SNCAIP: variants seen among roughly 807,000 people sequenced by gnomAD.
SNCAIP encodes synphilin-1.
A neutral mutation model predicts 86.7 loss-of-function variants in SNCAIP; 43 were observed. The ratio of observed to expected loss-of-function variants is 0.50; its 90% CI spans 0.39 to 0.64. The LOEUF (loss-of-function observed/expected upper bound fraction) is 0.64, where lower values mean the gene tolerates loss of function less well. Among genes scored for constraint, SNCAIP ranks in the 30% least tolerant of loss-of-function variants. The pLI is 0.00. For synonymous variants in SNCAIP, 417 were observed against 427.2 expected (o/e 0.98, Z 0.29); for missense variants, 981 against 1,103.1 (o/e 0.89, Z 1.57).
chr5:122,375,838 C>T (rs1319208274), intron 1 of SNCAIP, among the ~76,000 whole-genome samples: 2 of 152,056 alleles, frequency 1.3e-5, no homozygotes, highest in Non-Finnish European at 2.9e-5. Flanking sequence ...GCAGCTTAAT[C>T]AAAAGGGCAC....
intron 1 of SNCAIP, among the ~76,000 whole-genome samples, chr5:122,335,940 G>A (rs1756354166): frequency 6.6e-6 from 1 of 152,166 alleles, no homozygotes; most frequent in Non-Finnish European, 1.5e-5. Flanking sequence ...TCCTGTAAAA[G>A]AACCTGGCGA....
intron 3 of SNCAIP, among the ~76,000 whole-genome samples, chr5:122,411,698 G>A (rs879906037): frequency 7.2e-5 from 11 of 152,050 alleles, no homozygotes; most frequent in Non-Finnish European, 1.2e-4. Flanking sequence ...GCATCTCACC[G>A]TATGATCCAG....
intron 3 of SNCAIP, among the ~76,000 whole-genome samples, chr5:122,412,843 C>G (rs1774430644): frequency 6.6e-6 from 1 of 152,220 alleles, no homozygotes; most frequent in African/African-American, 2.4e-5. Flanking sequence ...AACATCTCAT[C>G]AGGCGCTGAA....
intron 10 of SNCAIP, among the ~76,000 whole-genome samples, chr5:122,461,043 C>T (rs1281093459): frequency 2.0e-5 from 3 of 152,174 alleles, no homozygotes; most frequent in African/African-American, 4.8e-5. Context: ...TATCTTCCCA[C>T]CCAAGGAAGG....
chr5:122,440,726 C>T lies in SNCAIP; in HGVS notation c.1394C>T (p.Ser465Leu), dbSNP rs1780700626. 2 of 1,613,864 alleles carry T rather than the reference C, an allele frequency of 1.2e-6. No individual in the cohort carries two copies. The highest frequency in any genetic ancestry group is 1.7e-6 in the Non-Finnish European group (2 of 1,179,730). Residue 465 changes from serine (S) to leucine (L), a missense_variant, in exon 7 of 11, where the codon TCA becomes TTA. Transcript: ENST00000261368. ...QDGNSAVHVA[S>L]QHGYLGCIQT... ...GGCAACAGTGCCGTTCACGTAGCCT[C>T]ACAGCATGGCTACCTTGGATGCATA... is the stretch of plus-strand genomic sequence containing the variant.
At chr5:122,353,439 C>CAAA (rs60366701) in intron 1 of SNCAIP, among the ~76,000 whole-genome samples, 998 of 94,116 alleles carry the variant, frequency 0.011, 18 homozygotes, top group African/African-American at 0.033. Context: ...CATAATTAAG[C>CAAA]AAAAAAAAAA....
At chr5:122,410,373 C>T (rs950199923) in intron 3 of SNCAIP, among the ~76,000 whole-genome samples, 1 of 152,136 alleles carries the variant, frequency 6.6e-6, no homozygotes, top group African/African-American at 2.4e-5. Flanking sequence ...CGAGCTGCCC[C>T]CTCTGTGGAA....
intron 1 of SNCAIP, among the ~76,000 whole-genome samples, chr5:122,364,398 C>G (rs1762767096): frequency 1.3e-5 from 2 of 152,164 alleles, no homozygotes; most frequent in African/African-American, 4.8e-5. Context: ...TGCAAGAACC[C>G]TCTCTTGGGG....
At chr5:122,406,742 C>T (rs554363685) in intron 3 of SNCAIP, among the ~76,000 whole-genome samples, 54 of 152,280 alleles carry the variant, frequency 3.5e-4, no homozygotes, top group African/African-American at 1.1e-3. Context: ...CTGAGGCTGT[C>T]GCAGAAGCAG....
Position 122,333,035 on chromosome 5 carries a change from A to G in SNCAIP, c.-47+20751A>G, listed in dbSNP as rs533694147. Among the ~76,000 whole-genome samples, 3 of 152,350 alleles carry G rather than the reference A, an allele frequency of 2.0e-5. No individual in the cohort carries two copies. The South Asian group carries it at 6.2e-4, about 32-fold the overall frequency. ...AGAAAATAAGCCATTAAAATCAGAA[A>G]TAAGAATGAAATAGCTGAGCTTGTA... On this transcript the variant is annotated intron_variant, in intron 1 of 10. Coordinates refer to ENST00000261368, the MANE Select transcript of SNCAIP (RefSeq NM_005460.4).
chr5:122,359,349 T>TTTTTTTTTTTTATTTA (rs372903978), intron 1 of SNCAIP, among the ~76,000 whole-genome samples: 17 of 142,238 alleles, frequency 1.2e-4, no homozygotes, highest in Middle Eastern at 3.7e-3. Flanking sequence ...AGATTTTTAT[T>TTTTTTTTTTTTATTTA]TTTATTTATT....
chr5:122,332,335 C>T (rs1755535305), intron 1 of SNCAIP, among the ~76,000 whole-genome samples: 1 of 152,170 alleles, frequency 6.6e-6, no homozygotes, highest in South Asian at 2.1e-4. Flanking sequence ...AGTAAAGGTA[C>T]ATTTCTCCTT....
intron 3 of SNCAIP, among the ~76,000 whole-genome samples, chr5:122,411,449 A>T (rs1313260840): frequency 1.3e-5 from 2 of 152,138 alleles, no homozygotes; most frequent in African/African-American, 4.8e-5. Context: ...ACAGCACCCC[A>T]GTTCTTCCTG....
intron 1 of SNCAIP, among the ~76,000 whole-genome samples, chr5:122,386,960 G>A (rs1247850772): frequency 5.9e-5 from 9 of 152,120 alleles, no homozygotes; most frequent in African/African-American, 2.2e-4. Context: ...AAAAAGGTGT[G>A]CTGTGGGGAG....
intron 8 of SNCAIP, among the ~76,000 whole-genome samples, chr5:122,449,344 C>T (rs1178935477): frequency 6.6e-6 from 1 of 152,094 alleles, no homozygotes; most frequent in Non-Finnish European, 1.5e-5. Flanking sequence ...ACTTTCTCAC[C>T]ACTGTAAATT....
At chr5:122,418,791 G>A (rs1415199545) in intron 3 of SNCAIP, among the ~76,000 whole-genome samples, 1 of 152,174 alleles carries the variant, frequency 6.6e-6, no homozygotes, top group Non-Finnish European at 1.5e-5. Context: ...ACCCACATAT[G>A]GGGAAATATT....
intron 1 of SNCAIP, among the ~76,000 whole-genome samples, chr5:122,347,465 T>C (rs1244712063): frequency 6.6e-6 from 1 of 151,568 alleles, no homozygotes; most frequent in Non-Finnish European, 1.5e-5. Context: ...ATAACAATAG[T>C]GTGTGAGTGT....
At chr5:122,390,692 T>C (rs1769159318) in intron 1 of SNCAIP, among the ~76,000 whole-genome samples, 1 of 152,184 alleles carries the variant, frequency 6.6e-6, no homozygotes, top group Non-Finnish European at 1.5e-5. Flanking sequence ...AGGAAACATT[T>C]GAAAATGGCT....
Position 122,423,280 on chromosome 5 carries a change from C to G in SNCAIP, c.543C>G (p.Cys181Trp), listed in dbSNP as rs1304207117. The stretch of plus-strand genomic sequence containing the variant: ...CAGAAAAAAGAATTTTGGGCTTATG[C>G]ACAACCATCAATGGCCTTTCTGGCA... ...VTSEKRILGL[C>W]TTINGLSGKA... The change falls in exon 4 of 11, where the codon TGC (cysteine) becomes TGG (tryptophan). Residue 181 changes from cysteine to tryptophan, a missense_variant. Cys to Trp is a radical substitution (Grantham distance 215). Coordinates refer to ENST00000261368, the MANE Select transcript of SNCAIP (RefSeq NM_005460.4). 6.2e-7 allele frequency: 1 copy of G among 1,614,036 alleles called. No homozygotes were observed. The highest frequency in any genetic ancestry group is 8.5e-7 in the Non-Finnish European group (1 of 1,180,010).
Sources: gnomAD v4.1 joint callset for allele counts (sites outside exome capture counted in the v4.1 genomes callset) on GRCh38, gnomAD v4.1.1 for gene constraint, MANE v1.5 for transcripts, NCBI Gene and HGNC (gene_info 2026-07-23, HGNC 2026-07-21) for gene names.